The following GALNTL6 variants were observed in gnomAD, a reference collection of about 807,000 sequenced individuals.
GALNTL6 encodes polypeptide N-acetylgalactosaminyltransferase like 6, also known as polypeptide N-acetylgalactosaminyltransferase-like 6.
In GALNTL6, 46 loss-of-function variants were observed where a neutral mutation model predicts 73.7. The observed-to-expected ratio is 0.62, with a 90% CI of 0.49 to 0.80. The LOEUF (loss-of-function observed/expected upper bound fraction) is 0.80. Among genes scored for constraint, GALNTL6 ranks in the 30% least tolerant of loss-of-function variants. The pLI is 0.00. For missense variants in GALNTL6, 604 were observed against 755.0 expected (o/e 0.80, Z 2.34); for synonymous variants, 259 against 263.7 (o/e 0.98, Z 0.17).
At chr4:172,995,142 C>A (rs10009870) in intron 10 of GALNTL6, among the ~76,000 whole-genome samples, 73 of 152,036 alleles carry the variant, frequency 4.8e-4, no homozygotes, top group African/African-American at 1.7e-3. Flanking sequence ...ATTGGCAATT[C>A]ATATATGAAT....
chr4:172,274,333 C>A (rs946224941), intron 3 of GALNTL6, among the ~76,000 whole-genome samples: 1 of 152,150 alleles, frequency 6.6e-6, no homozygotes, highest in Admixed American at 6.5e-5. Context: ...ATATTTCATA[C>A]TTTACAACAA....
At chr4:172,312,258 T>A (rs1397920467) in intron 4 of GALNTL6, among the ~76,000 whole-genome samples, 1 of 152,194 alleles carries the variant, frequency 6.6e-6, no homozygotes, top group Non-Finnish European at 1.5e-5. Flanking sequence ...TATGAACTGC[T>A]TGTGGCTTGT....
chr4:173,011,156 C>A (rs1197779599), intron 11 of GALNTL6, among the ~76,000 whole-genome samples: 4 of 152,234 alleles, frequency 2.6e-5, no homozygotes, highest in Middle Eastern at 3.4e-3. Context: ...TGTATGTCTT[C>A]TTTTGAGAAA....
chr4:172,480,738 A>G (rs1733421938), intron 5 of GALNTL6, among the ~76,000 whole-genome samples: 8 of 152,226 alleles, frequency 5.3e-5, no homozygotes, highest in Admixed American at 5.2e-4. Context: ...GTTTGTGGTC[A>G]GATGTGGATT....
rs1376799507 is a variant in GALNTL6, at chr4:172,511,200, A to G, written c.553+162511A>G. Reference sequence around the variant, plus strand: ...GTTGGATATTTACAGAAATTTATCCATCTCCTCTAGGTTTTCTAGTTTGTG... The same window carrying G: ...GTTGGATATTTACAGAAATTTATCCGTCTCCTCTAGGTTTTCTAGTTTGTG... On this transcript the variant is annotated intron_variant, in intron 5 of 12. Coordinates refer to ENST00000506823, the MANE Select transcript of GALNTL6 (RefSeq NM_001034845.3). Among the ~76,000 whole-genome samples the G allele has an allele frequency of 3.7e-5, 2 of 54,618 alleles. 1 individual carries two copies. Among genetic ancestry groups the G allele is most frequent in the African/African-American group, 9.1e-5 (2 of 21,996 alleles). 35.8% of individuals were successfully genotyped at this position (54,618 alleles called of 152,430 possible).
intron 2 of GALNTL6, among the ~76,000 whole-genome samples, chr4:172,030,348 A>T (rs2110818798): frequency 6.6e-6 from 1 of 152,186 alleles, no homozygotes; most frequent in Non-Finnish European, 1.5e-5. Flanking sequence ...CATGTCAAGC[A>T]ACCGGGGTAG....
At chr4:172,372,180 G>A (rs1742839182) in intron 5 of GALNTL6, among the ~76,000 whole-genome samples, 1 of 152,142 alleles carries the variant, frequency 6.6e-6, no homozygotes, top group South Asian at 2.1e-4. Context: ...ATAGGTTAAG[G>A]TCAGGATTAG....
chr4:172,645,410 A>G (rs955916015), intron 5 of GALNTL6, among the ~76,000 whole-genome samples: 18 of 151,954 alleles, frequency 1.2e-4, no homozygotes, highest in Admixed American at 3.3e-4. Flanking sequence ...CCTTTCCACA[A>G]ATTTATCTAA....
chr4:172,381,530 T>A (rs1162083158), intron 5 of GALNTL6, among the ~76,000 whole-genome samples: 2 of 152,224 alleles, frequency 1.3e-5, no homozygotes, highest in African/African-American at 4.8e-5. Context: ...AAATATGTAG[T>A]CATCTGTGGC....
chr4:172,949,908 CAA>C (rs533279404), intron 9 of GALNTL6, among the ~76,000 whole-genome samples: 1 of 57,748 alleles, frequency 1.7e-5, no homozygotes, highest in Non-Finnish European at 3.6e-5. Flanking sequence ...GACTCTGTCT[CAA>C]AAAAAAAAAA....
chr4:171,907,926 AAAAC>A (rs2110956363), intron 2 of GALNTL6, among the ~76,000 whole-genome samples: 1 of 152,204 alleles, frequency 6.6e-6, no homozygotes, highest in South Asian at 2.1e-4. Flanking sequence ...TGGTGCTGGG[AAAAC>A]TGGCTAGCCA....
intron 2 of GALNTL6, among the ~76,000 whole-genome samples, chr4:171,829,514 T>C (rs546376605): frequency 5.3e-5 from 8 of 152,154 alleles, no homozygotes; most frequent in South Asian, 4.1e-4. Context: ...GCCTCAACCA[T>C]TTTGAGCTTC....
At chr4:171,857,998 T>C (rs1283402587) in intron 2 of GALNTL6, among the ~76,000 whole-genome samples, 1 of 152,178 alleles carries the variant, frequency 6.6e-6, no homozygotes, top group African/African-American at 2.4e-5. Flanking sequence ...ATCAATGATA[T>C]GGTTAGTGGA....
chr4:172,393,362 T>G (rs1743735843), intron 5 of GALNTL6, among the ~76,000 whole-genome samples: 1 of 152,176 alleles, frequency 6.6e-6, no homozygotes, highest in African/African-American at 2.4e-5. Context: ...CCTCTGCTTC[T>G]TTTTCATGTA....
At chr4:172,349,831 A>ATG (rs1554016250) in intron 5 of GALNTL6, among the ~76,000 whole-genome samples, 1 of 64,532 alleles carries the variant, frequency 1.5e-5, no homozygotes, top group African/African-American at 4.2e-5. Context: ...TTAAAAAAAA[A>ATG]TATATATATA....
intron 5 of GALNTL6, among the ~76,000 whole-genome samples, chr4:172,687,577 A>G (rs6553642): frequency 0.99 from 148,576 of 150,082 alleles, 73,563 homozygotes; most frequent in Middle Eastern, 1. Flanking sequence ...GCAGTGAGCC[A>G]AGATCGCGCC....
At chr4:172,643,772 C>A (rs1740096075) in intron 5 of GALNTL6, among the ~76,000 whole-genome samples, 1 of 151,926 alleles carries the variant, frequency 6.6e-6, no homozygotes, top group African/African-American at 2.4e-5. Flanking sequence ...AATCTATAAT[C>A]CTCCAGTGTA....
intron 10 of GALNTL6, among the ~76,000 whole-genome samples, chr4:172,999,459 A>C (rs1751946735): frequency 6.6e-6 from 1 of 152,220 alleles, no homozygotes; most frequent in Non-Finnish European, 1.5e-5. Context: ...CTGACAAAGG[A>C]GAAATATCTA....
At chr4:171,912,411 A>G (rs1193808234) in intron 2 of GALNTL6, among the ~76,000 whole-genome samples, 1 of 152,110 alleles carries the variant, frequency 6.6e-6, no homozygotes, top group Admixed American at 6.6e-5. Flanking sequence ...ATATTTTCTT[A>G]TTCTTTTCTA....
Sources: allele counts gnomAD v4.1 joint callset (sites outside exome capture counted in the v4.1 genomes callset), GRCh38; gene constraint gnomAD v4.1.1; transcripts MANE v1.5; gene names NCBI Gene and HGNC (gene_info 2026-07-23, HGNC 2026-07-21).